The following AK5 variants were observed in gnomAD, a reference collection of about 807,000 sequenced individuals.
AK5 encodes the protein adenylate kinase isoenzyme 5.
AK5 carries 27 observed loss-of-function variants against 69.5 expected under a neutral mutation model. The observed-to-expected ratio is 0.39, with a 90% CI of 0.29 to 0.54. The LOEUF (loss-of-function observed/expected upper bound fraction) is 0.54. Among genes scored for constraint, AK5 ranks in the 20% least tolerant of loss-of-function variants. The pLI is 0.71. For synonymous variants in AK5, 260 were observed against 244.4 expected, an observed-to-expected ratio of 1.06 and a Z score of -0.60; for missense variants, 531 against 700.4, an observed-to-expected ratio of 0.76 and a Z score of 2.73.
intron 6 of AK5, among the ~76,000 whole-genome samples, chr1:77,393,084 C>T (rs1376685929): frequency 5.3e-5 from 8 of 152,044 alleles, no homozygotes; most frequent in Admixed American, 5.2e-4. Flanking sequence ...AGGTATGCCC[C>T]ACCACACGCA....
At chr1:77,282,718 C>A in intron 1 of AK5, 1 of 1,067,540 alleles carries the variant, frequency 9.4e-7, no homozygotes, top group African/African-American at 1.7e-5. Context: ...AGGGCCAGGT[C>A]AGGTGGCTGC....
chr1:77,392,059 G>A (rs751096993), intron 6 of AK5, among the ~76,000 whole-genome samples: 1 of 152,302 alleles, frequency 6.6e-6, no homozygotes, highest in East Asian at 1.9e-4. Context: ...GGATCATGCA[G>A]AGTACTTGAA....
At chr1:77,466,859 G>T (rs1654174525) in intron 8 of AK5, among the ~76,000 whole-genome samples, 1 of 152,228 alleles carries the variant, frequency 6.6e-6, no homozygotes, top group South Asian at 2.1e-4. Flanking sequence ...CAACACATGA[G>T]TCTTGGAGGG....
chr1:77,408,855 C>T (rs1649836450), intron 6 of AK5, among the ~76,000 whole-genome samples: 1 of 152,050 alleles, frequency 6.6e-6, no homozygotes. Flanking sequence ...ATTATTTCAT[C>T]ACCCAGGTAT....
At chr1:77,546,526 A>G (rs1659552593) in intron 13 of AK5, among the ~76,000 whole-genome samples, 1 of 152,156 alleles carries the variant, frequency 6.6e-6, no homozygotes, top group African/African-American at 2.4e-5. Flanking sequence ...TGTGGCCAAC[A>G]TGGTGAAACT....
chr1:77,343,233 A>G (rs1210239420), intron 6 of AK5, among the ~76,000 whole-genome samples: 1 of 152,172 alleles, frequency 6.6e-6, no homozygotes, highest in Non-Finnish European at 1.5e-5. Context: ...CCACACTCCA[A>G]TAGCATTAAT....
At chr1:77,506,513 C>G (rs755343659) in intron 10 of AK5, among the ~76,000 whole-genome samples, 1 of 152,020 alleles carries the variant, frequency 6.6e-6, no homozygotes, top group Non-Finnish European at 1.5e-5. Flanking sequence ...CCTTTCCTGT[C>G]ACCTGAGACC....
At chr1:77,405,186 A>G (rs768001618) in intron 6 of AK5, among the ~76,000 whole-genome samples, 21 of 152,218 alleles carry the variant, frequency 1.4e-4, no homozygotes, top group Non-Finnish European at 2.8e-4. Context: ...TTATGCTGGG[A>G]TATTAAATAG....
rs1018374183 is a variant in AK5 at position 77,297,475 on chromosome 1, G to T, written c.416-84G>T. On this transcript the variant is annotated intron_variant, in intron 3 of 13. Transcript: ENST00000354567. The stretch of plus-strand genomic sequence containing the variant: ...ACCCTGTCTTGGTGACACAGAATTT[G>T]CATCCCAGATGAAGTAGTAGTTGTA... 9 of 1,297,630 alleles carry T rather than the reference G, an allele frequency of 6.9e-6. No homozygotes were observed. The Admixed American group carries it at 2.2e-4, about 32-fold the overall frequency. The allele number at this position is 1,297,630 out of a possible 1,614,324, so 80.4% of individuals were successfully genotyped here.
intron 6 of AK5, among the ~76,000 whole-genome samples, chr1:77,382,757 A>G (rs181279340): frequency 3.0e-4 from 46 of 152,322 alleles, no homozygotes; most frequent in Non-Finnish European, 5.6e-4. Context: ...AACTGCTAAT[A>G]AAGAGTTAAC....
chr1:77,290,264 T>G (rs1423286527), intron 2 of AK5, among the ~76,000 whole-genome samples: 1 of 152,244 alleles, frequency 6.6e-6, no homozygotes, highest in Non-Finnish European at 1.5e-5. Flanking sequence ...AAATGCTTTC[T>G]TCATTTGTGC....
At chr1:77,351,758 G>A (rs1270881120) in intron 6 of AK5, among the ~76,000 whole-genome samples, 5 of 151,986 alleles carry the variant, frequency 3.3e-5, no homozygotes, top group African/African-American at 1.2e-4. Context: ...CTACCTTCAG[G>A]GGAGGCTGCA....
rs1425348287 is a variant in AK5 at position 77,379,965 on chromosome 1, A to G, written c.892-31016A>G. 3.3e-5 allele frequency among the ~76,000 whole-genome samples: 5 copies of G among 152,206 alleles called. No homozygotes were observed. The East Asian group carries it at 9.6e-4, about 29-fold the overall frequency. ...TGGATTTTAAATCTGCTTCTGTAGC[A>G]TCTCAACAGCTTGCAGGGTTCCAAG... On this transcript the variant is annotated intron_variant, in intron 6 of 13. Coordinates refer to ENST00000354567, the MANE Select transcript of AK5 (RefSeq NM_174858.3).
At chr1:77,381,185 T>C (rs1647607486) in intron 6 of AK5, among the ~76,000 whole-genome samples, 1 of 152,100 alleles carries the variant, frequency 6.6e-6, no homozygotes, top group African/African-American at 2.4e-5. Flanking sequence ...GAGAGACCTT[T>C]GGGAGGTGAT....
chr1:77,475,435 G>A (rs866006058), intron 8 of AK5, among the ~76,000 whole-genome samples: 7 of 2,480 alleles, frequency 2.8e-3, no homozygotes, highest in South Asian at 0.018. Context: ...TTATATATAT[G>A]TATATATATT....
intron 2 of AK5, among the ~76,000 whole-genome samples, chr1:77,289,710 G>A (rs1658570108): frequency 6.6e-6 from 1 of 151,866 alleles, no homozygotes; most frequent in South Asian, 2.1e-4. Flanking sequence ...AGAGAGAACA[G>A]TCATTGTTTA....
intron 6 of AK5, among the ~76,000 whole-genome samples, chr1:77,395,711 CA>C (rs1187032475): frequency 6.6e-6 from 1 of 152,122 alleles, no homozygotes; most frequent in East Asian, 1.9e-4. Flanking sequence ...CATAACTAAA[CA>C]AAACATAACC....
At chr1:77,497,362 A>G (rs1656402461) in intron 10 of AK5, among the ~76,000 whole-genome samples, 1 of 152,152 alleles carries the variant, frequency 6.6e-6, no homozygotes, top group Non-Finnish European at 1.5e-5. Flanking sequence ...CAAGACCACA[A>G]ACCCACCGGA....
At chr1:77,360,594 A>C (rs367935895) in intron 6 of AK5, among the ~76,000 whole-genome samples, 19 of 152,178 alleles carry the variant, frequency 1.2e-4, no homozygotes, top group Non-Finnish European at 2.8e-4. Flanking sequence ...AGCAGTTAGA[A>C]GGGGAAAGGA....
Sources: allele counts gnomAD v4.1 joint callset (sites outside exome capture counted in the v4.1 genomes callset), GRCh38; gene constraint gnomAD v4.1.1; transcripts MANE v1.5; gene names NCBI Gene and HGNC (gene_info 2026-07-23, HGNC 2026-07-21).